The following GRM5 variants were observed in gnomAD, a reference collection of about 807,000 sequenced individuals.
GRM5 encodes glutamate metabotropic receptor 5.
In GRM5, 19 loss-of-function variants were observed where a neutral mutation model predicts 83.1. The ratio of observed to expected loss-of-function variants is 0.23; its 90% CI spans 0.16 to 0.34. The LOEUF (loss-of-function observed/expected upper bound fraction) is 0.34, where lower values mean the gene tolerates loss of function less well. Ranked by LOEUF, GRM5 falls within the 10% of genes least tolerant of loss-of-function variation. The pLI is 1.00. For synonymous variants in GRM5, 675 were observed against 633.6 expected (o/e 1.07, Z -0.98); for missense variants, 1,160 against 1,588.3 (o/e 0.73, Z 4.58).
At chr11:88,853,300 G>T (rs879192798) in intron 2 of GRM5, among the ~76,000 whole-genome samples, 7 of 152,026 alleles carry the variant, frequency 4.6e-5, no homozygotes, top group Admixed American at 3.9e-4. Context: ...AAATATATTT[G>T]TTATCAACTT....
chr11:88,537,468 C>T (rs1226468390), intron 8 of GRM5, among the ~76,000 whole-genome samples: 1 of 152,098 alleles, frequency 6.6e-6, no homozygotes, highest in Non-Finnish European at 1.5e-5. Context: ...ATTTTAACAA[C>T]TTCAGAGTGT....
At chr11:88,574,686 G>C (rs867190374) in intron 7 of GRM5, among the ~76,000 whole-genome samples, 3 of 152,160 alleles carry the variant, frequency 2.0e-5, no homozygotes, top group African/African-American at 7.2e-5. Context: ...AGAATCGCTT[G>C]AACCCAGGAG....
chr11:89,031,607 A>T (rs1941265002), intron 2 of GRM5, among the ~76,000 whole-genome samples: 1 of 151,996 alleles, frequency 6.6e-6, no homozygotes, highest in Non-Finnish European at 1.5e-5. Flanking sequence ...TGCAAACAAA[A>T]ACATCCAATA....
At chr11:88,778,361 G>A (rs149667698) in intron 3 of GRM5, among the ~76,000 whole-genome samples, 1,660 of 152,248 alleles carry the variant, frequency 0.011, 33 homozygotes, top group African/African-American at 0.038. Flanking sequence ...AGTCTGTCAC[G>A]GCTTCCCTTT....
chr11:88,791,351 G>A (rs901761940), intron 3 of GRM5, among the ~76,000 whole-genome samples: 2 of 152,112 alleles, frequency 1.3e-5, no homozygotes, highest in Non-Finnish European at 2.9e-5. Context: ...CATACATTTA[G>A]GAAAACATAA....
chr11:88,757,195 CA>C (rs1159002405), intron 3 of GRM5, among the ~76,000 whole-genome samples: 2 of 152,148 alleles, frequency 1.3e-5, no homozygotes, highest in Admixed American at 1.3e-4. Context: ...CCATATCTGG[CA>C]AAAATGTCCT....
At chr11:88,953,308 C>T (rs940690238) in intron 2 of GRM5, among the ~76,000 whole-genome samples, 1 of 152,206 alleles carries the variant, frequency 6.6e-6, no homozygotes, top group African/African-American at 2.4e-5. Flanking sequence ...CATACACACA[C>T]ATCTATGCCA....
At chr11:88,583,895 T>G (rs1327219288) in intron 7 of GRM5, among the ~76,000 whole-genome samples, 1 of 152,160 alleles carries the variant, frequency 6.6e-6, no homozygotes, top group Non-Finnish European at 1.5e-5. Context: ...ACTAATTACC[T>G]TGTTCTATTG....
chr11:88,685,369 TG>T (rs1940594022), intron 3 of GRM5, among the ~76,000 whole-genome samples: 1 of 152,158 alleles, frequency 6.6e-6, no homozygotes, highest in Admixed American at 6.5e-5. Context: ...AAAGGTGACT[TG>T]GGTGCTGTTA....
chr11:88,553,872 G>A (rs956693599), intron 8 of GRM5, among the ~76,000 whole-genome samples: 29 of 152,244 alleles, frequency 1.9e-4, no homozygotes, highest in African/African-American at 6.7e-4. Flanking sequence ...CCTCACAGGA[G>A]TTTTGGGTAG....
rs187407266 is a variant in GRM5, at chr11:88,844,103, C to T, written c.911+5803G>A. Among the ~76,000 whole-genome samples the T allele has an allele frequency of 3.0e-3, 456 of 152,242 alleles. 4 individuals carry two copies. The highest frequency in any genetic ancestry group is 7.4e-4 in the Non-Finnish European group (50 of 68,026). On this transcript the variant is annotated intron_variant, in intron 3 of 9. Coordinates refer to ENST00000305447, the MANE Select transcript of GRM5 (RefSeq NM_001143831.3). The stretch of plus-strand genomic sequence containing the variant: ...AAGAAGATGCCATCTAACACTTTCT[C>T]AGCTAGAGAGGAGAAGTCAAGGCCT...
intron 3 of GRM5, among the ~76,000 whole-genome samples, chr11:88,654,389 C>A (rs1939714619): frequency 6.6e-6 from 1 of 152,062 alleles, no homozygotes; most frequent in South Asian, 2.1e-4. Context: ...AGTGACTTGT[C>A]CCTCTTCACT....
chr11:89,064,892 G>C (rs12363394), intron 1 of GRM5, among the ~76,000 whole-genome samples: 2,251 of 59,826 alleles, frequency 0.038, 25 homozygotes, highest in Non-Finnish European at 0.05. Flanking sequence ...CTCTCTCTGT[G>C]TGTGTGTGTG....
At chr11:88,927,264 C>A (rs1409407714) in intron 2 of GRM5, among the ~76,000 whole-genome samples, 1 of 152,016 alleles carries the variant, frequency 6.6e-6, no homozygotes, top group African/African-American at 2.4e-5. Flanking sequence ...TAGCCAAATA[C>A]CCCAGAATTT....
At chr11:88,545,782 T>C (rs1942374453) in intron 8 of GRM5, among the ~76,000 whole-genome samples, 1 of 152,130 alleles carries the variant, frequency 6.6e-6, no homozygotes, top group African/African-American at 2.4e-5. Context: ...TAAATTTTAT[T>C]CTATCTACAG....
chr11:89,011,257 T>C (rs7932640), intron 2 of GRM5, among the ~76,000 whole-genome samples: 87,798 of 151,378 alleles, frequency 0.58, 25,465 homozygotes, highest in South Asian at 0.71. Flanking sequence ...CAGTAACTTA[T>C]GGGGAGGTTT....
intron 9 of GRM5, among the ~76,000 whole-genome samples, chr11:88,520,911 A>G (rs1941665324): frequency 6.6e-6 from 1 of 152,194 alleles, no homozygotes; most frequent in South Asian, 2.1e-4. Flanking sequence ...TTGAAAGTTA[A>G]TAGTTTGCAT....
chr11:88,650,417 T>C (rs1235877138), intron 4 of GRM5, among the ~76,000 whole-genome samples: 1 of 151,962 alleles, frequency 6.6e-6, no homozygotes, highest in Non-Finnish European at 1.5e-5. Context: ...CAAAAGAGGA[T>C]ACCAGCTTTC....
chr11:88,909,203 T>C (rs189823010), intron 2 of GRM5, among the ~76,000 whole-genome samples: 3 of 152,258 alleles, frequency 2.0e-5, no homozygotes, highest in Admixed American at 2.0e-4. Flanking sequence ...GGGAAATAGA[T>C]GATTTATAAA....
Sources: gnomAD v4.1 joint callset for allele counts (sites outside exome capture counted in the v4.1 genomes callset) on GRCh38, gnomAD v4.1.1 for gene constraint, MANE v1.5 for transcripts, NCBI Gene and HGNC (gene_info 2026-07-23, HGNC 2026-07-21) for gene names.